Variants in IL1RAPL1 observed in about 807,000 individuals in gnomAD.
The protein encoded by IL1RAPL1 is interleukin-1 receptor accessory protein-like 1.
Under a neutral mutation model 48.4 loss-of-function variants are expected in IL1RAPL1, and 3 were observed. The ratio of observed to expected loss-of-function variants is 0.06; its 90% CI spans 0.03 to 0.16. The LOEUF (loss-of-function observed/expected upper bound fraction) is 0.16, where lower values mean the gene tolerates loss of function less well. Among genes scored for constraint, IL1RAPL1 ranks in the 10% least tolerant of loss-of-function variants. The pLI is 1.00. For synonymous variants in IL1RAPL1, 185 were observed against 187.7 expected (o/e 0.99, Z 0.12); for missense variants, 349 against 530.6 (o/e 0.66, Z 3.36).
At chrX:28,665,084 G>A (rs1934861437) in intron 1 of IL1RAPL1, among the ~76,000 whole-genome samples, 1 of 111,499 alleles carries the variant, frequency 9.0e-6, no homozygotes, top group African/African-American at 3.3e-5. Flanking sequence ...AAAACCATGT[G>A]TGTACTCCGG....
In IL1RAPL1 at chrX:29,315,709, T is replaced by G. The variant is rs147431008; in HGVS notation, c.362+32492T>G. Among the ~76,000 whole-genome samples, 1,040 of 111,628 alleles carry G rather than the reference T, an allele frequency of 9.3e-3. 7 individuals are homozygous for G. Among genetic ancestry groups the G allele is most frequent in the Non-Finnish European group, 0.016 (839 of 53,082 alleles). On this transcript the variant is annotated intron_variant, in intron 3 of 10. Transcript: ENST00000378993. ...TCAGTAGAGGTTACAGAAGGTAATT[T>G]TAGCAGCAGTGAGAGGTTGAATTAG...
At chrX:29,647,365 AATACTC>A (rs1339968973) in intron 5 of IL1RAPL1, among the ~76,000 whole-genome samples, 5 of 108,187 alleles carry the variant, frequency 4.6e-5, no homozygotes, top group Admixed American at 3.0e-4. Flanking sequence ...AAAAAAAAAA[AATACTC>A]TAATACGGTA....
intron 6 of IL1RAPL1, among the ~76,000 whole-genome samples, chrX:29,717,164 C>T (rs1375599724): frequency 1.9e-5 from 2 of 106,851 alleles, no homozygotes. Context: ...GAAAAATTTA[C>T]AAGTTTTATT....
intron 1 of IL1RAPL1, among the ~76,000 whole-genome samples, chrX:28,611,740 T>A (rs1047207753): frequency 8.9e-6 from 1 of 112,920 alleles, no homozygotes; most frequent in African/African-American, 3.2e-5. Flanking sequence ...GAGTTTTAAT[T>A]TTGTTTCTTG....
chrX:29,566,073 C>T (rs1405221493), intron 5 of IL1RAPL1, among the ~76,000 whole-genome samples: 1 of 110,088 alleles, frequency 9.1e-6, no homozygotes. Flanking sequence ...CTCAGCCTCC[C>T]GAGTAGCTGG....
intron 2 of IL1RAPL1, among the ~76,000 whole-genome samples, chrX:29,021,215 G>GAA (rs746008500): frequency 5.0e-4 from 21 of 41,945 alleles, no homozygotes; most frequent in Non-Finnish European, 5.9e-4. Flanking sequence ...CCGTCTCAAG[G>GAA]AAAAAAAAAA....
At chrX:28,912,216 A>G (rs1436818603) in intron 2 of IL1RAPL1, among the ~76,000 whole-genome samples, 1 of 109,681 alleles carries the variant, frequency 9.1e-6, no homozygotes, top group African/African-American at 3.3e-5. Flanking sequence ...GGGAGGGATA[A>G]CAGTAGCAAC....
chrX:29,346,681 T>C (rs1204633998), intron 3 of IL1RAPL1, among the ~76,000 whole-genome samples: 1 of 112,225 alleles, frequency 8.9e-6, no homozygotes, highest in Non-Finnish European at 1.9e-5. Flanking sequence ...GAAAGGAGTT[T>C]CAAGCAGATA....
At chrX:29,228,126 A>G (rs1268120441) in intron 2 of IL1RAPL1, among the ~76,000 whole-genome samples, 4 of 105,854 alleles carry the variant, frequency 3.8e-5, no homozygotes, top group Non-Finnish European at 5.8e-5. Flanking sequence ...CTTGCGAGCC[A>G]TTCCAGAAAC....
At position 29,778,483 on chromosome X, in the gene IL1RAPL1, C is replaced by G. The variant is rs141767131; in HGVS notation, c.778+109979C>G. ...GCTCCATGAGCGCAGGTATTGGGTA[C>G]AGCTGAATCCTCCAATCTACCGCAG... On this transcript the variant is annotated intron_variant, in intron 6 of 10. Coordinates refer to ENST00000378993, the MANE Select transcript of IL1RAPL1 (RefSeq NM_014271.4). 5.1e-3 allele frequency among the ~76,000 whole-genome samples: 572 copies of G among 111,975 alleles called. 3 individuals carry two copies. Among genetic ancestry groups the G allele is most frequent in the Non-Finnish European group, 9.1e-3 (484 of 53,101 alleles).
chrX:29,015,239 A>G (rs1437194931), intron 2 of IL1RAPL1, among the ~76,000 whole-genome samples: 1 of 111,377 alleles, frequency 9.0e-6, no homozygotes, highest in African/African-American at 3.3e-5. Context: ...TGGTCATCCA[A>G]TATGAATTCT....
At chrX:29,173,820 A>G (rs1929954258) in intron 2 of IL1RAPL1, among the ~76,000 whole-genome samples, 2 of 112,294 alleles carry the variant, frequency 1.8e-5, no homozygotes, top group African/African-American at 6.5e-5. Flanking sequence ...CTTTGCCAAA[A>G]GATGACTCAA....
chrX:28,650,204 G>A (rs1167236158), intron 1 of IL1RAPL1, among the ~76,000 whole-genome samples: 1 of 111,738 alleles, frequency 8.9e-6, no homozygotes, highest in African/African-American at 3.3e-5. Context: ...TTGAATGATA[G>A]TCATGGGTTC....
At chrX:29,855,993 T>C (rs1023811875) in intron 6 of IL1RAPL1, among the ~76,000 whole-genome samples, 1 of 111,230 alleles carries the variant, frequency 9.0e-6, no homozygotes, top group Non-Finnish European at 1.9e-5. Flanking sequence ...AAAAACCCCT[T>C]GGGGAATTTG....
intron 5 of IL1RAPL1, among the ~76,000 whole-genome samples, chrX:29,514,480 A>G (rs762457542): frequency 1.8e-5 from 2 of 112,599 alleles, no homozygotes; most frequent in Non-Finnish European, 3.8e-5. Flanking sequence ...ACAGAGTTTC[A>G]CCCTGTCGCC....
intron 5 of IL1RAPL1, among the ~76,000 whole-genome samples, chrX:29,540,740 A>C (rs910132903): frequency 3.6e-5 from 4 of 111,921 alleles, no homozygotes; most frequent in African/African-American, 6.5e-5. Flanking sequence ...GCAGAATAAT[A>C]ATACTGGACC....
rs775622853 is a variant in IL1RAPL1 at position 28,738,381 on chromosome X, G to T, written c.-24-50939G>T. On this transcript the variant is annotated intron_variant, in intron 1 of 10. Coordinates refer to ENST00000378993, the MANE Select transcript of IL1RAPL1 (RefSeq NM_014271.4). ...GTGATATAGCAGAGAACAAAAATAA[G>T]TCCCTGACCTCATGTATCTTATAAG... Among the ~76,000 whole-genome samples, 3 of 111,809 alleles carry T rather than the reference G, an allele frequency of 2.7e-5. No homozygotes were observed. In the South Asian group the frequency reaches 1.1e-3, roughly 42 times the overall value.
At chrX:29,474,452 C>T (rs1934952890) in intron 5 of IL1RAPL1, among the ~76,000 whole-genome samples, 1 of 111,970 alleles carries the variant, frequency 8.9e-6, no homozygotes, top group African/African-American at 3.2e-5. Flanking sequence ...ATATTTGTGT[C>T]TGGCACGGGG....
intron 1 of IL1RAPL1, among the ~76,000 whole-genome samples, chrX:28,746,905 C>T (rs1935985466): frequency 1.8e-5 from 2 of 110,897 alleles, no homozygotes; most frequent in Non-Finnish European, 1.9e-5. Context: ...ATTCATTTTG[C>T]CATTTAATTT....
Sources: allele counts gnomAD v4.1 joint callset (sites outside exome capture counted in the v4.1 genomes callset), GRCh38; gene constraint gnomAD v4.1.1; transcripts MANE v1.5; gene names NCBI Gene and HGNC (gene_info 2026-07-23, HGNC 2026-07-21).